ZNF362: variants seen among roughly 807,000 people sequenced by gnomAD.
The protein encoded by ZNF362 is zinc finger protein 362, also known as rotund homolog.
A neutral mutation model predicts 42.9 loss-of-function variants in ZNF362; 11 were observed. That is an observed-to-expected ratio of 0.26 (90% CI 0.16 to 0.42). The LOEUF is 0.42. Among genes scored for constraint, ZNF362 ranks in the 20% least tolerant of loss-of-function variants. The pLI is 1.00. For missense variants in ZNF362, 362 were observed against 576.2 expected (o/e 0.63, Z 3.81); for synonymous variants, 255 against 257.3 (o/e 0.99, Z 0.09).
the ZNF362 span, among the ~76,000 whole-genome samples, chr1:33,217,084 A>C: frequency 6.6e-6 from 1 of 152,148 alleles, no homozygotes; most frequent in Admixed American, 6.6e-5. Context: ...AGCATCAGGA[A>C]CAGGCACGTG....
the ZNF362 span, among the ~76,000 whole-genome samples, chr1:33,203,563 T>C: frequency 2.6e-5 from 4 of 152,216 alleles, no homozygotes; most frequent in Admixed American, 6.5e-5. Flanking sequence ...TTTTCCACAA[T>C]GGCTGTACCG....
At chr1:33,232,367 C>A in the ZNF362 span, among the ~76,000 whole-genome samples, 1 of 152,048 alleles carries the variant, frequency 6.6e-6, no homozygotes, top group Non-Finnish European at 1.5e-5. Context: ...TGGGTTCAAG[C>A]GATTCTCCTG....
Position 33,299,022 on chromosome 1 carries a change from C to G in ZNF362, c.1239C>G (p.Ile413Met), listed in dbSNP as rs752830615. The G allele has an allele frequency of 1.2e-6, 2 of 1,610,838 alleles. No individual in the cohort carries two copies. Among genetic ancestry groups the G allele is most frequent in the African/African-American group, 2.7e-5 (2 of 74,952 alleles). Reference sequence around the variant, plus strand: ...CCCAGAGGACGGAGTCCCCCGGCATCCCGGTGCGAATCTCTCTCATCTGAG... The same window carrying G: ...CCCAGAGGACGGAGTCCCCCGGCATGCCGGTGCGAATCTCTCTCATCTGAG... Reference protein sequence around the residue: ...HSPQRTESPGIPVRISLI With the variant: ...HSPQRTESPGMPVRISLI The change falls in exon 9 of 9, where the codon ATC becomes ATG. Residue 413 changes from isoleucine to methionine, a missense_variant. Ile to Met is a conservative substitution (Grantham distance 10). Around this residue, in one of 3 missense-constraint regions of ZNF362, gnomAD observed 68 missense variants for 107.4 expected, o/e 0.63. Coordinates refer to ENST00000539719, the MANE Select transcript of ZNF362 (RefSeq NM_152493.3).
chr1:33,162,349 G>A, the ZNF362 span, among the ~76,000 whole-genome samples: 3 of 152,182 alleles, frequency 2.0e-5, no homozygotes, highest in African/African-American at 7.2e-5. Flanking sequence ...TACTCATCCT[G>A]CAAGACCTAG....
At chr1:33,159,843 C>G in the ZNF362 span, 1 of 1,613,572 alleles carries the variant, frequency 6.2e-7, no homozygotes, top group East Asian at 2.2e-5. The surrounding 1 kb of genome is among the most constrained non-coding windows in gnomAD (Gnocchi z 4.2). Flanking sequence ...GGGCCGTGTC[C>G]GCCTCCAGCT....
chr1:33,199,211 T>A, the ZNF362 span, among the ~76,000 whole-genome samples: 1 of 151,514 alleles, frequency 6.6e-6, no homozygotes, highest in Non-Finnish European at 1.5e-5. Flanking sequence ...AAAGAAAAAA[T>A]ACACCAAGGC....
At chr1:33,211,388 C>T in the ZNF362 span, among the ~76,000 whole-genome samples, 1 of 152,148 alleles carries the variant, frequency 6.6e-6, no homozygotes, top group South Asian at 2.1e-4. Context: ...TTGTTCATGT[C>T]CATGTTTAGT....
the ZNF362 span, among the ~76,000 whole-genome samples, chr1:33,177,140 C>T: frequency 6.6e-6 from 1 of 152,148 alleles, no homozygotes; most frequent in Admixed American, 6.5e-5. This position sits in a 1 kb window ranked among gnomAD's most constrained non-coding sequence, Gnocchi z 4.1. Context: ...CACACACGCA[C>T]ATGCACACCC....
At chr1:33,296,565 G>T (rs186874558) in intron 8 of ZNF362, among the ~76,000 whole-genome samples, 295 of 152,318 alleles carry the variant, frequency 1.9e-3, no homozygotes, top group South Asian at 5.2e-3. Context: ...TGGGAAGGGG[G>T]ATGAGTCCAG....
the ZNF362 span, among the ~76,000 whole-genome samples, chr1:33,212,546 G>A: frequency 2.6e-4 from 40 of 152,248 alleles, no homozygotes; most frequent in African/African-American, 8.7e-4. Flanking sequence ...GAAGCATGGC[G>A]CTAGGCATCT....
At chr1:33,232,869 C>T in the ZNF362 span, among the ~76,000 whole-genome samples, 2 of 152,188 alleles carry the variant, frequency 1.3e-5, no homozygotes, top group Admixed American at 6.5e-5. Flanking sequence ...TCTCTGTGTT[C>T]TTCATTTCAG....
the ZNF362 span, among the ~76,000 whole-genome samples, chr1:33,209,565 G>T: frequency 6.6e-6 from 1 of 152,022 alleles, no homozygotes; most frequent in Admixed American, 6.5e-5. Context: ...GACTTTTTTT[G>T]GTTGGTAAGC....
the ZNF362 span, among the ~76,000 whole-genome samples, chr1:33,128,141 G>A: frequency 6.7e-6 from 1 of 148,680 alleles, no homozygotes; most frequent in African/African-American, 2.5e-5. Flanking sequence ...AAGGTGGAAG[G>A]ATTGTTTGAG....
chr1:33,202,387 G>A, the ZNF362 span, among the ~76,000 whole-genome samples: 1 of 152,104 alleles, frequency 6.6e-6, no homozygotes, highest in Non-Finnish European at 1.5e-5. Context: ...ACAAGGTCAG[G>A]AGATTGAGAT....
At chr1:33,146,942 C>T in the ZNF362 span, 1 of 562,546 alleles carries the variant, frequency 1.8e-6, no homozygotes. Context: ...ATGTCACATC[C>T]TTGGATCAAA....
At chr1:33,151,378 A>G in the ZNF362 span, among the ~76,000 whole-genome samples, 1 of 152,106 alleles carries the variant, frequency 6.6e-6, no homozygotes, top group Non-Finnish European at 1.5e-5. Context: ...AGGCTGGGGC[A>G]GGGTGTGGCA....
At chr1:33,188,519 A>C in the ZNF362 span, among the ~76,000 whole-genome samples, 1 of 152,200 alleles carries the variant, frequency 6.6e-6, no homozygotes, top group Non-Finnish European at 1.5e-5. Context: ...TATCAGTCCC[A>C]TGAAGTCATA....
the ZNF362 span, chr1:33,159,690 C>T: frequency 6.2e-6 from 10 of 1,606,296 alleles, no homozygotes; most frequent in African/African-American, 1.1e-4. The surrounding 1 kb of genome is among the most constrained non-coding windows in gnomAD (Gnocchi z 4.2). Context: ...GCACTTACCG[C>T]TCGGACAGTG....
At chr1:33,282,827 GA>G (rs11332548) in intron 6 of ZNF362, among the ~76,000 whole-genome samples, 64,603 of 132,836 alleles carry the variant, frequency 0.49, 15,858 homozygotes, top group East Asian at 0.66. Context: ...TGTCTCAAGA[GA>G]AAAAAAAAAA....
Sources: allele counts gnomAD v4.1 joint callset (sites outside exome capture counted in the v4.1 genomes callset), GRCh38; gene constraint gnomAD v4.1.1; regional missense constraint gnomAD v4.1.1; non-coding constraint Gnocchi (gnomAD v3.1); transcripts MANE v1.5; gene names NCBI Gene and HGNC (gene_info 2026-07-23, HGNC 2026-07-21).